Variants in NLGN1 observed in about 807,000 individuals in gnomAD.
The protein encoded by NLGN1 is neuroligin 1.
NLGN1 carries 12 observed loss-of-function variants against 65.5 expected under a neutral mutation model. That is an observed-to-expected ratio of 0.18 (90% CI 0.12 to 0.30). The LOEUF is 0.30. NLGN1 is among the 10% of genes least tolerant of loss of function. The pLI, the probability that NLGN1 is intolerant of heterozygous loss-of-function variation, is 1.00. For missense variants in NLGN1, 750 were observed against 1,007.1 expected (o/e 0.74, Z 3.46); for synonymous variants, 350 against 359.5 (o/e 0.97, Z 0.30).
chr3:173,428,607 A>G (rs1199003284), intron 1 of NLGN1, among the ~76,000 whole-genome samples: 2 of 151,892 alleles, frequency 1.3e-5, no homozygotes, highest in Non-Finnish European at 2.9e-5. Flanking sequence ...ATATATTCCT[A>G]TCTCTTAAGA....
chr3:173,554,515 T>C (rs1327281686), intron 2 of NLGN1, among the ~76,000 whole-genome samples: 2 of 152,196 alleles, frequency 1.3e-5, no homozygotes, highest in African/African-American at 2.4e-5. Context: ...AAAACTACTC[T>C]TCTGATTTTA....
intron 4 of NLGN1, among the ~76,000 whole-genome samples, chr3:173,928,376 C>T (rs1357414219): frequency 6.6e-6 from 1 of 152,168 alleles, no homozygotes; most frequent in Non-Finnish European, 1.5e-5. Context: ...TGACAAAGCA[C>T]TTGAACTTTT....
At chr3:174,268,955 A>G (rs1475314983) in intron 4 of NLGN1, among the ~76,000 whole-genome samples, 2 of 151,414 alleles carry the variant, frequency 1.3e-5, no homozygotes, top group Non-Finnish European at 2.9e-5. Flanking sequence ...CTCATTTCAG[A>G]GCCAGGTTTT....
In NLGN1 at chr3:173,781,606, G is replaced by A. The variant is rs146618802; in HGVS notation, c.494-26074G>A. Among the ~76,000 whole-genome samples the A allele has an allele frequency of 3.2e-3, 492 of 152,254 alleles. 1 individual carries two copies. Among genetic ancestry groups the A allele is most frequent in the African/African-American group, 0.011 (451 of 41,548 alleles). ...TAGGTTTGGTTGATCTCCTTGAAAC[G>A]TATTGAATAGAGACATGGACACTGG... On this transcript the variant is annotated intron_variant, in intron 3 of 6. Transcript: ENST00000457714.
At chr3:173,545,826 C>T (rs981473033) in intron 2 of NLGN1, among the ~76,000 whole-genome samples, 2 of 152,044 alleles carry the variant, frequency 1.3e-5, no homozygotes, top group Admixed American at 6.6e-5. Flanking sequence ...CCACCATTCT[C>T]AGCAAACTAA....
chr3:173,993,709 T>C (rs956313692), intron 4 of NLGN1, among the ~76,000 whole-genome samples: 7 of 150,550 alleles, frequency 4.6e-5, no homozygotes, highest in African/African-American at 1.7e-4. Context: ...AGGAGCCAAC[T>C]AACAGTAATT....
At chr3:173,733,036 CAG>C (rs1773120016) in intron 3 of NLGN1, among the ~76,000 whole-genome samples, 2 of 151,846 alleles carry the variant, frequency 1.3e-5, no homozygotes, top group Admixed American at 1.3e-4. Context: ...ATTTTTATAA[CAG>C]TACATTTTTA....
At chr3:174,147,952 C>G (rs907845257) in intron 4 of NLGN1, among the ~76,000 whole-genome samples, 2 of 152,272 alleles carry the variant, frequency 1.3e-5, no homozygotes, top group Non-Finnish European at 2.9e-5. Flanking sequence ...TCTAAATCCT[C>G]CTCTTGTTCT....
intron 2 of NLGN1, among the ~76,000 whole-genome samples, chr3:173,501,290 G>A (rs577564827): frequency 6.6e-6 from 1 of 152,036 alleles, no homozygotes; most frequent in African/African-American, 2.4e-5. Context: ...AGTGTGTGTT[G>A]TTCCCCTCCA....
Position 174,110,221 on chromosome 3 carries a change from T to C in NLGN1, c.647-165094T>C, listed in dbSNP as rs1430012166. Among the ~76,000 whole-genome samples, 2 of 152,024 alleles carry C rather than the reference T, an allele frequency of 1.3e-5. 1 individual carries two copies. The highest frequency in any genetic ancestry group is 2.9e-5 in the Non-Finnish European group (2 of 67,932). On this transcript the variant is annotated intron_variant, in intron 4 of 6. Transcript: ENST00000457714. ...GATTTGTAGTTAATTCTCTATTCCA[T>C]TGAGTACTGTGCTACATTTCCCTGT...
chr3:174,201,539 C>G (rs977786762), intron 4 of NLGN1, among the ~76,000 whole-genome samples: 5 of 151,666 alleles, frequency 3.3e-5, no homozygotes, highest in African/African-American at 1.2e-4. Flanking sequence ...AGCATCACCC[C>G]CTCTCAGCAA....
chr3:173,915,631 C>T (rs80233922), intron 4 of NLGN1, among the ~76,000 whole-genome samples: 4,569 of 152,154 alleles, frequency 0.03, 227 homozygotes, highest in African/African-American at 0.1. Flanking sequence ...TGAAGAACGC[C>T]GATTTTATCT....
At chr3:174,045,494 A>T (rs1733360812) in intron 4 of NLGN1, among the ~76,000 whole-genome samples, 1 of 152,144 alleles carries the variant, frequency 6.6e-6, no homozygotes, top group South Asian at 2.1e-4. Flanking sequence ...ATACATGGGG[A>T]GTATAATTCA....
chr3:173,910,308 TGTA>T (rs1739328744), intron 4 of NLGN1, among the ~76,000 whole-genome samples: 1 of 152,212 alleles, frequency 6.6e-6, no homozygotes, highest in Non-Finnish European at 1.5e-5. Context: ...TGTTTATCTC[TGTA>T]GTATCTGTTG....
chr3:173,665,106 C>T (rs527255573), intron 3 of NLGN1, among the ~76,000 whole-genome samples: 1 of 152,210 alleles, frequency 6.6e-6, no homozygotes, highest in East Asian at 1.9e-4. Context: ...TATGGTCTGG[C>T]TCTGTGTCCC....
At chr3:173,879,639 T>TG (rs34716080) in intron 4 of NLGN1, among the ~76,000 whole-genome samples, 7 of 102,686 alleles carry the variant, frequency 6.8e-5, no homozygotes, top group South Asian at 8.8e-4. Flanking sequence ...TTTCTGTGTG[T>TG]TTTTTTTTTT....
At chr3:173,727,446 T>C (rs1020027349) in intron 3 of NLGN1, among the ~76,000 whole-genome samples, 1 of 152,290 alleles carries the variant, frequency 6.6e-6, no homozygotes, top group Middle Eastern at 3.4e-3. Flanking sequence ...TATCTTTCAT[T>C]ATGCCTGCCA....
intron 3 of NLGN1, among the ~76,000 whole-genome samples, chr3:173,671,439 G>A (rs1315835570): frequency 2.0e-5 from 3 of 152,062 alleles, no homozygotes; most frequent in South Asian, 2.1e-4. Context: ...CTGTGATTGC[G>A]CCACTGCACT....
chr3:173,703,367 A>G (rs1329724464), intron 3 of NLGN1, among the ~76,000 whole-genome samples: 1 of 152,164 alleles, frequency 6.6e-6, no homozygotes, highest in African/African-American at 2.4e-5. Flanking sequence ...ATTAATTTTA[A>G]ATAATTTTTA....
Sources: allele counts gnomAD v4.1 joint callset (sites outside exome capture counted in the v4.1 genomes callset), GRCh38; gene constraint gnomAD v4.1.1; transcripts MANE v1.5; gene names NCBI Gene and HGNC (gene_info 2026-07-23, HGNC 2026-07-21).